The following CENPS variants were observed in gnomAD, a reference collection of about 807,000 sequenced individuals.
The protein encoded by CENPS is FANCM associated histone fold protein 1.
CENPS carries 16 observed loss-of-function variants against 17.9 expected under a neutral mutation model. That is an observed-to-expected ratio of 0.90 (90% CI 0.61 to 1.36). The LOEUF (loss-of-function observed/expected upper bound fraction) is 1.36, where lower values mean the gene tolerates loss of function less well. Among genes scored for constraint, CENPS ranks in the 40% most tolerant of loss-of-function variants. The pLI is 0.00. For synonymous variants in CENPS, 49 were observed against 55.8 expected (o/e 0.88, Z 0.54); for missense variants, 160 against 158.6 (o/e 1.01, Z -0.05).
Position 10,433,970 on chromosome 1 carries a change from G to A in CENPS, c.175+5G>A, listed in dbSNP as rs757131738. On this transcript the variant is annotated splice_donor_5th_base_variant and intron_variant, in intron 2 of 4. Coordinates refer to ENST00000309048, the MANE Select transcript of CENPS (RefSeq NM_199294.3). The stretch of plus-strand genomic sequence containing the variant: ...AGCTGACTTTCCGACAGTGTGGTAT[G>A]AAGCTTCGGCCTCCCCAGCCATGTC... The A allele has an allele frequency of 1.2e-6, 2 of 1,614,140 alleles. No homozygotes were observed. The highest frequency in any genetic ancestry group is 3.3e-5 in the Admixed American group (2 of 60,026).
intron 1 of CENPS, among the ~76,000 whole-genome samples, chr1:10,433,443 TA>T (rs1257076341): frequency 2.6e-5 from 4 of 152,178 alleles, no homozygotes; most frequent in Admixed American, 2.0e-4. Flanking sequence ...TTAACTGCCT[TA>T]AGGGCAAAGT....
intron 1 of CENPS, chr1:10,431,016 G>C: frequency 7.6e-7 from 1 of 1,315,186 alleles, no homozygotes; most frequent in Non-Finnish European, 9.7e-7. Context: ...ACGCGGTGCG[G>C]ACCAGTCAGG....
At chr1:10,431,512 A>G in intron 1 of CENPS, 1 of 1,284,860 alleles carries the variant, frequency 7.8e-7, no homozygotes, top group Non-Finnish European at 1.1e-6. Flanking sequence ...AATTGCAGAT[A>G]TTTTGACACT....
chr1:10,433,439 G>A (rs1640012205), intron 1 of CENPS, among the ~76,000 whole-genome samples: 1 of 152,124 alleles, frequency 6.6e-6, no homozygotes, highest in Non-Finnish European at 1.5e-5. Flanking sequence ...TTGATTAACT[G>A]CCTTAAGGGC....
intron 3 of CENPS, among the ~76,000 whole-genome samples, chr1:10,435,997 G>A (rs1423705192): frequency 1.7e-5 from 2 of 115,926 alleles, no homozygotes; most frequent in African/African-American, 6.6e-5. Context: ...TTTTTTTTTT[G>A]GAGACAGAGT....
intron 4 of CENPS, among the ~76,000 whole-genome samples, chr1:10,441,407 T>C (rs1640403470): frequency 6.7e-6 from 1 of 148,660 alleles, no homozygotes; most frequent in Non-Finnish European, 1.5e-5. Flanking sequence ...CCCCGTCTCC[T>C]GGGCTCCAGT....
chr1:10,442,150 C>T, intron 4 of CENPS, 115 bp from the exon 5 acceptor site: 1 of 1,327,056 alleles, frequency 7.5e-7, no homozygotes, highest in Non-Finnish European at 1.0e-6. Context: ...TTTGGCTTTT[C>T]TACCCAAATT....
intron 3 of CENPS, among the ~76,000 whole-genome samples, chr1:10,435,419 C>T (rs551484335): frequency 6.6e-6 from 1 of 151,784 alleles, no homozygotes. Flanking sequence ...TTCTCGGGTG[C>T]GTGTTTTGAA....
intron 1 of CENPS, among the ~76,000 whole-genome samples, chr1:10,432,034 A>T (rs1417891040): frequency 6.6e-6 from 1 of 151,644 alleles, no homozygotes; most frequent in Admixed American, 6.6e-5. Flanking sequence ...TCAGTTAAGG[A>T]TGGTGCATTG....
In CENPS at chr1:10,434,586, G is replaced by A; in HGVS notation, c.176-71G>A. The A allele has an allele frequency of 3.1e-6, 5 of 1,598,688 alleles. No individual in the cohort carries two copies. In the South Asian group the frequency reaches 4.5e-5, roughly 14 times the overall value. ...CACTGTACTGGCTGTAGAAATCAAG[G>A]CTTCACTTTTTCTGCTTCTGAAATT... On this transcript the variant is annotated intron_variant, in intron 2 of 4. Transcript: ENST00000309048.
chr1:10,433,881 TG>T lies in CENPS; in HGVS notation c.92del (p.Cys31SerfsTer23). On this transcript the variant is annotated frameshift_variant, in exon 2 of 5. Transcript: ENST00000309048. LOFTEE classifies it high-confidence loss of function. ...AAVHYTVGCL[C>X]EEVALDKEMQ... Reference sequence around the variant, plus strand: ...AGTTCACTATACTGTGGGTTGTCTTTGCGAGGAAGTTGCATTGGACAAAGAG... The same window carrying T: ...AGTTCACTATACTGTGGGTTGTCTTTCGAGGAAGTTGCATTGGACAAAGAG... The T allele has an allele frequency of 6.2e-7, 1 of 1,614,216 alleles. No individual in the cohort carries two copies. The highest frequency in any genetic ancestry group is 1.3e-5 in the African/African-American group (1 of 75,056).
rs572896413 is a variant in CENPS at position 10,433,812 on chromosome 1, C to T, written c.52-30C>T. 9.3e-6 allele frequency: 15 copies of T among 1,613,544 alleles called. No homozygotes were observed. The South Asian group carries it at 1.4e-4, about 15-fold the overall frequency. On this transcript the variant is annotated intron_variant, in intron 1 of 4. Transcript: ENST00000309048. ...TGAAAAGCTCTTATTTGCAGCCTTACCCGTGAAATATTTTGATGTTTTTCC... is the reference window on the plus strand; with the variant it reads ...TGAAAAGCTCTTATTTGCAGCCTTATCCGTGAAATATTTTGATGTTTTTCC...
intron 3 of CENPS, among the ~76,000 whole-genome samples, chr1:10,435,291 G>C (rs544667967): frequency 6.6e-6 from 1 of 152,314 alleles, no homozygotes; most frequent in South Asian, 2.1e-4. Flanking sequence ...CTTTTATGAA[G>C]CAATTTGAAT....
chr1:10,435,736 CATAT>C lies in CENPS; in HGVS notation c.209+1048_209+1051del, dbSNP rs67398957. On this transcript the variant is annotated intron_variant, in intron 3 of 4. Coordinates refer to ENST00000309048, the MANE Select transcript of CENPS (RefSeq NM_199294.3). ...ATATATACACACACACACACACACACATATACATAAATATTTATATTAGAGACAC... is the reference window on the plus strand; with the variant it reads ...ATATATACACACACACACACACACACACATAAATATTTATATTAGAGACAC... Among the ~76,000 whole-genome samples, 32 of 107,626 alleles carry C rather than the reference CATAT, an allele frequency of 3.0e-4. 1 individual carries two copies. The highest frequency in any genetic ancestry group is 7.7e-4 in the African/African-American group (23 of 29,784). 70.6% of individuals were successfully genotyped at this position (107,626 alleles called of 152,430 possible).
chr1:10,442,674 AC>A lies in CENPS; in HGVS notation c.*270del, dbSNP rs1640466330. The A allele has an allele frequency of 5.7e-6, 2 of 353,530 alleles. No homozygotes were observed. The highest frequency in any genetic ancestry group is 4.2e-5 in the African/African-American group (2 of 47,432). 21.9% of individuals were successfully genotyped at this position (353,530 alleles called of 1,614,324 possible). ...GATCAAATGGTATATATTAGAAATT[AC>A]ATCTGTTGTAATTAAAATTGTGTGA... On this transcript the variant is annotated 3_prime_UTR_variant, in exon 5 of 5. Coordinates refer to ENST00000309048, the MANE Select transcript of CENPS (RefSeq NM_199294.3).
chr1:10,431,248 G>A (rs907863668), intron 1 of CENPS: 3 of 1,533,862 alleles, frequency 2.0e-6, no homozygotes, highest in African/African-American at 1.4e-5. Context: ...AGCAAGACCC[G>A]GAGTGGCGAC....
intron 1 of CENPS, among the ~76,000 whole-genome samples, chr1:10,431,693 A>G (rs534679959): frequency 6.6e-6 from 1 of 151,934 alleles, no homozygotes; most frequent in Non-Finnish European, 1.5e-5. Context: ...CTCTCAACTA[A>G]AAGTACAAAA....
rs1252879397 is a variant in CENPS at position 10,440,336 on chromosome 1, C to T, written c.210-11C>T. Reference sequence around the variant, plus strand: ...AAACATTTTGGTGACTTGCTTCTGCCCTTTCTGCAGACATGCGAAAAGAAC... The same window carrying T: ...AAACATTTTGGTGACTTGCTTCTGCTCTTTCTGCAGACATGCGAAAAGAAC... On this transcript the variant is annotated splice_polypyrimidine_tract_variant and intron_variant, in intron 3 of 4. Coordinates refer to ENST00000309048, the MANE Select transcript of CENPS (RefSeq NM_199294.3). The T allele has an allele frequency of 3.7e-6, 6 of 1,612,010 alleles. No individual in the cohort carries two copies. Among genetic ancestry groups the T allele is most frequent in the Non-Finnish European group, 5.1e-6 (6 of 1,179,436 alleles).
At chr1:10,438,812 A>G (rs930895101) in intron 3 of CENPS, among the ~76,000 whole-genome samples, 2 of 152,162 alleles carry the variant, frequency 1.3e-5, no homozygotes, top group Admixed American at 6.5e-5. Flanking sequence ...TAAGTTCACT[A>G]TGTAAACAGT....
Sources: gnomAD v4.1 joint callset for allele counts (sites outside exome capture counted in the v4.1 genomes callset) on GRCh38, gnomAD v4.1.1 for gene constraint, MANE v1.5 for transcripts, NCBI Gene and HGNC (gene_info 2026-07-23, HGNC 2026-07-21) for gene names.